RALGAPB: variants seen among roughly 807,000 people sequenced by gnomAD.
RALGAPB encodes the protein Ral GTPase activating protein non-catalytic subunit beta, also known as ral GTPase-activating protein subunit beta.
RALGAPB carries 25 observed loss-of-function variants against 161.1 expected under a neutral mutation model. The observed-to-expected ratio is 0.16, with a 90% confidence interval of 0.11 to 0.22. The LOEUF is 0.22. Ranked by LOEUF, RALGAPB falls within the 10% of genes least tolerant of loss-of-function variation. The pLI, the probability that RALGAPB is intolerant of heterozygous loss-of-function variation, is 1.00. For missense variants in RALGAPB, 1,391 were observed against 1,815.2 expected, an observed-to-expected ratio of 0.77 and a Z score of 4.25; for synonymous variants, 629 against 626.1, an observed-to-expected ratio of 1.00 and a Z score of -0.07.
At chr20:38,556,117 A>G (rs2087578014) in intron 22 of RALGAPB, among the ~76,000 whole-genome samples, 1 of 152,216 alleles carries the variant, frequency 6.6e-6, no homozygotes, top group African/African-American at 2.4e-5. Context: ...CTACTAGTGT[A>G]GGTTCTTACT....
At chr20:38,516,132 G>C (rs2123078463) in intron 6 of RALGAPB, 60 bp from the exon 7 acceptor site, 3 of 1,303,042 alleles carry the variant, frequency 2.3e-6, no homozygotes, top group Non-Finnish European at 3.2e-6. Context: ...TAGATTACGT[G>C]TATTTTATTG....
Position 38,516,381 on chromosome 20 carries a change from TG to T in RALGAPB, c.1051+12del. ...TGGATGCATTCTTAGGTGAATTTTG[TG>T]TATGTTGCTAGATGTATGAAGAGCT... is the stretch of plus-strand genomic sequence containing the variant. On this transcript the variant is annotated intron_variant, in intron 7 of 29. Transcript: ENST00000262879. 1 of 1,610,208 alleles carries T rather than the reference TG, an allele frequency of 6.2e-7. No homozygotes were observed.
intron 3 of RALGAPB, among the ~76,000 whole-genome samples, chr20:38,496,266 G>A (rs959063399): frequency 2.0e-5 from 3 of 152,092 alleles, no homozygotes; most frequent in African/African-American, 4.8e-5. Flanking sequence ...GGTAAGTGTC[G>A]TTTTCTGCAT....
At chr20:38,539,465 G>C (rs1271330344) in intron 16 of RALGAPB, among the ~76,000 whole-genome samples, 2 of 152,188 alleles carry the variant, frequency 1.3e-5, no homozygotes, top group Non-Finnish European at 2.9e-5. Flanking sequence ...TGGGTTAGGG[G>C]TTTAAAAATG....
rs2086409853 is a variant in RALGAPB, at chr20:38,524,849, T to C, written c.1691T>C (p.Ile564Thr). ...YVCHPVLASV[I>T]LNSPPLFCCD... is the part of the protein sequence containing the mutation. ...TGCCATCCTGTCTTGGCCAGCGTTA[T>C]TCTAAACTCTCCTCCTTTGTTCTGC... Residue 564 changes from isoleucine (I) to threonine (T), a missense_variant, in exon 11 of 30, where the codon ATT becomes ACT. Ile to Thr is a moderately conservative substitution (Grantham distance 89, BLOSUM62 -1). Around this residue, in one of 3 missense-constraint regions of RALGAPB, gnomAD observed 946 missense variants for 1,257.2 expected, o/e 0.75. Transcript: ENST00000262879. 1.9e-6 allele frequency: 3 copies of C among 1,604,572 alleles called. No homozygotes were observed. The highest frequency in any genetic ancestry group is 2.7e-5 in the African/African-American group (2 of 74,706).
rs948776025 is a variant in RALGAPB at position 38,516,239 on chromosome 20, A to C, written c.920A>C (p.Lys307Thr). Residue 307 changes from lysine (K) to threonine (T), a missense_variant, in exon 7 of 30, where the codon AAA (lysine) becomes ACA (threonine). This residue lies in a region of RALGAPB where 946 missense variants were observed against 1,257.2 expected (regional missense o/e 0.75). Transcript: ENST00000262879. ...CCAGCTATTATAAGCTCTACTCCCAAATTTCAGGAACAGTTCTTGAATGTG... is the reference window on the plus strand; with the variant it reads ...CCAGCTATTATAAGCTCTACTCCCACATTTCAGGAACAGTTCTTGAATGTG... ...SNPAIISSTP[K>T]FQEQFLNVSG... 1 of 1,612,802 alleles carries C rather than the reference A, an allele frequency of 6.2e-7. No individual in the cohort carries two copies. The highest frequency in any genetic ancestry group is 1.1e-5 in the South Asian group (1 of 90,766).
In RALGAPB at chr20:38,570,855, C is replaced by CT; in HGVS notation, c.4142+9dup. ...TAGTAGCACTTCACTGAGGTACACT[C>CT]TATTTGCTTGAAGTTCATCAGCGTG... On this transcript the variant is annotated intron_variant, in intron 28 of 29. Coordinates refer to ENST00000262879, the MANE Select transcript of RALGAPB (RefSeq NM_020336.4). The CT allele has an allele frequency of 6.4e-7, 1 of 1,571,712 alleles. No individual in the cohort carries two copies. The highest frequency in any genetic ancestry group is 1.4e-5 in the African/African-American group (1 of 74,042).
intron 29 of RALGAPB, 127 bp downstream of exon 29, chr20:38,574,425 C>A: frequency 1.8e-6 from 2 of 1,119,634 alleles, no homozygotes; most frequent in Non-Finnish European, 2.5e-6. Context: ...AATGGTATGG[C>A]TCTTGTTAAA....
chr20:38,502,674 C>G (rs1209656318), intron 5 of RALGAPB, among the ~76,000 whole-genome samples: 1 of 152,196 alleles, frequency 6.6e-6, no homozygotes, highest in African/African-American at 2.4e-5. Flanking sequence ...CAACCTCTGC[C>G]TCATTGCAGC....
rs760851399 is a variant in RALGAPB at position 38,546,282 on chromosome 20, T to G, written c.2754T>G (p.Gly918=). ...QLLGAFPSPS[G]PASPCSLVNE... is the part of the protein sequence containing the mutation. ...TCGGCGCATTTCCTTCACCTAGTGG[T>G]CCTGCCTCTCCTTGTAGTCTTGTGA... is the stretch of plus-strand genomic sequence containing the variant. Residue 918 remains glycine, a synonymous_variant, in exon 19 of 30, where the codon GGT becomes GGG. Transcript: ENST00000262879. 32 of 1,614,166 alleles carry G rather than the reference T, an allele frequency of 2.0e-5. 1 individual carries two copies. Among genetic ancestry groups the G allele is most frequent in the Admixed American group, 3.3e-5 (2 of 60,018 alleles).
At chr20:38,550,625 G>T (rs774711656) in intron 20 of RALGAPB, among the ~76,000 whole-genome samples, 65 of 152,290 alleles carry the variant, frequency 4.3e-4, no homozygotes, top group Non-Finnish European at 7.8e-4. Context: ...TAGATTTGGT[G>T]CCCATACTCT....
intron 23 of RALGAPB, among the ~76,000 whole-genome samples, chr20:38,560,264 G>C (rs1601056737): frequency 6.6e-6 from 1 of 152,266 alleles, no homozygotes. Context: ...CCATTGTAAA[G>C]GGTGTTAATA....
intron 20 of RALGAPB, among the ~76,000 whole-genome samples, chr20:38,549,549 AATATAT>A (rs1555882891): frequency 7.6e-6 from 1 of 131,110 alleles, no homozygotes; most frequent in African/African-American, 2.9e-5. Context: ...AAAAAAAAAA[AATATAT>A]ATATATATAC....
At chr20:38,563,287 G>C (rs2087855989) in intron 24 of RALGAPB, among the ~76,000 whole-genome samples, 1 of 152,130 alleles carries the variant, frequency 6.6e-6, no homozygotes, top group Non-Finnish European at 1.5e-5. Flanking sequence ...TACAAATGGT[G>C]TAATATAGGT....
intron 29 of RALGAPB, 106 bp from the exon 30 acceptor site, chr20:38,574,668 A>G: frequency 8.6e-7 from 1 of 1,158,184 alleles, no homozygotes; most frequent in East Asian, 2.4e-5. Context: ...TGCAAATTGA[A>G]TGAAATAGTT....
chr20:38,491,068 C>T (rs909233159), intron 2 of RALGAPB, among the ~76,000 whole-genome samples: 1 of 152,238 alleles, frequency 6.6e-6, no homozygotes, highest in Non-Finnish European at 1.5e-5. Context: ...CTAAATCTTG[C>T]TACACCCTGC....
chr20:38,475,530 G>C lies in RALGAPB; in HGVS notation c.-31+2461G>C, dbSNP rs78141686. ...GAAGGTCATTATGAGGAGGTTTTTG[G>C]ACAATAAAGATTTTTTTTTGTATAG... is the stretch of plus-strand genomic sequence containing the variant. On this transcript the variant is annotated intron_variant, in intron 1 of 29. Coordinates refer to ENST00000262879, the MANE Select transcript of RALGAPB (RefSeq NM_020336.4). Among the ~76,000 whole-genome samples the C allele has an allele frequency of 1.4e-3, 216 of 152,050 alleles. 5 individuals carry two copies. The East Asian group carries it at 0.033, about 23-fold the overall frequency.
At chr20:38,525,709 A>G (rs543867121) in intron 12 of RALGAPB, among the ~76,000 whole-genome samples, 186 bp from the exon 13 acceptor site, 3 of 151,518 alleles carry the variant, frequency 2.0e-5, no homozygotes, top group Non-Finnish European at 4.4e-5. Flanking sequence ...TTTTTCTACC[A>G]GTTTTCAAGC....
chr20:38,571,200 C>CATT (rs1012288777), intron 28 of RALGAPB, among the ~76,000 whole-genome samples: 1 of 152,028 alleles, frequency 6.6e-6, no homozygotes, highest in Non-Finnish European at 1.5e-5. Context: ...CCACTTAATT[C>CATT]ATTATTATTA....
Sources: allele counts gnomAD v4.1 joint callset (sites outside exome capture counted in the v4.1 genomes callset), GRCh38; gene constraint gnomAD v4.1.1; regional missense constraint gnomAD v4.1.1; transcripts MANE v1.5; gene names NCBI Gene and HGNC (gene_info 2026-07-23, HGNC 2026-07-21).